The following FBXO16 variants were observed in gnomAD, a reference collection of about 807,000 sequenced individuals.
FBXO16 encodes F-box only protein 16.
In FBXO16, 31 loss-of-function variants were observed where a neutral mutation model predicts 41.0. That is an observed-to-expected ratio of 0.76 (90% CI 0.57 to 1.02). FBXO16 has a LOEUF of 1.02. FBXO16 is among the 50% of genes least tolerant of loss of function. FBXO16 has a pLI of 0.00. For synonymous variants in FBXO16, 133 were observed against 117.8 expected, an observed-to-expected ratio of 1.13 and a Z score of -0.84; for missense variants, 361 against 346.2, an observed-to-expected ratio of 1.04 and a Z score of -0.34.
chr8:28,483,463 C>T lies in FBXO16; in HGVS notation c.-16-1G>A. On this transcript the variant is annotated splice_acceptor_variant, in intron 1 of 8. Coordinates refer to ENST00000380254, the MANE Select transcript of FBXO16 (RefSeq NM_172366.4). LOFTEE classifies it low-confidence loss of function (5UTR_SPLICE). ...TGCCATCATGAAACAACTGGATATC[C>T]TTCCATAAGAAAAACAACACCTATC... 6.2e-7 allele frequency: 1 copy of T among 1,601,564 alleles called. No individual in the cohort carries two copies. Among genetic ancestry groups the T allele is most frequent in the Non-Finnish European group, 8.5e-7 (1 of 1,171,014 alleles).
chr8:28,448,735 T>C (rs938033072), intron 6 of FBXO16, among the ~76,000 whole-genome samples: 1 of 152,210 alleles, frequency 6.6e-6, no homozygotes, highest in Admixed American at 6.5e-5. Flanking sequence ...AAAACTCCTG[T>C]ATGTATTACG....
At chr8:28,489,001 A>ATATGATAGG (rs11281497) in intron 1 of FBXO16, among the ~76,000 whole-genome samples, 14 of 151,742 alleles carry the variant, frequency 9.2e-5, no homozygotes, top group African/African-American at 3.1e-4. Flanking sequence ...TCACAGTAGT[A>ATATGATAGG]TACTCAATAT....
intron 3 of FBXO16, among the ~76,000 whole-genome samples, chr8:28,466,519 C>T (rs372568931): frequency 6.6e-5 from 10 of 151,752 alleles, no homozygotes; most frequent in East Asian, 1.9e-4. Flanking sequence ...TGGCCAGGCG[C>T]GGTGGCTCAC....
intron 2 of FBXO16, among the ~76,000 whole-genome samples, chr8:28,477,704 C>T (rs1281037003): frequency 6.6e-6 from 1 of 152,118 alleles, no homozygotes; most frequent in Non-Finnish European, 1.5e-5. Context: ...CCACCAACAC[C>T]CATATAACTC....
intron 2 of FBXO16, among the ~76,000 whole-genome samples, chr8:28,482,077 C>A (rs943576909): frequency 6.6e-6 from 1 of 152,186 alleles, no homozygotes; most frequent in East Asian, 1.9e-4. Context: ...GCAGAACCCA[C>A]GCAAACATAA....
chr8:28,458,554 T>TTC (rs1803074594), intron 4 of FBXO16, among the ~76,000 whole-genome samples: 1 of 129,148 alleles, frequency 7.7e-6, no homozygotes, highest in African/African-American at 3.3e-5. Context: ...CTTTTTTTTT[T>TTC]TTTTTTTTTT....
chr8:28,442,693 T>A (rs1353423875), intron 7 of FBXO16, among the ~76,000 whole-genome samples: 1 of 152,110 alleles, frequency 6.6e-6, no homozygotes, highest in East Asian at 1.9e-4. Flanking sequence ...CCATCTTTCA[T>A]CAATCATTCA....
chr8:28,459,623 A>AAATAATAATAAT (rs57120891), intron 4 of FBXO16, among the ~76,000 whole-genome samples: 153 of 137,878 alleles, frequency 1.1e-3, no homozygotes, highest in South Asian at 1.9e-3. Flanking sequence ...CCTGTCTCAA[A>AAATAATAATAAT]AATAATAATA....
chr8:28,456,541 G>A (rs1046346807), intron 5 of FBXO16: 18 of 469,854 alleles, frequency 3.8e-5, no homozygotes, highest in African/African-American at 2.1e-4. Flanking sequence ...GGTCCTAACC[G>A]CCGGGATGCA....
At chr8:28,474,416 G>A (rs1308698080) in intron 2 of FBXO16, among the ~76,000 whole-genome samples, 1 of 145,196 alleles carries the variant, frequency 6.9e-6, no homozygotes, top group Non-Finnish European at 1.5e-5. Context: ...TTTTTAAAGT[G>A]AAAGAAATTT....
At chr8:28,464,160 C>A (rs116124157) in intron 3 of FBXO16, among the ~76,000 whole-genome samples, 5 of 152,294 alleles carry the variant, frequency 3.3e-5, no homozygotes, top group South Asian at 2.1e-4. Flanking sequence ...GCTCCTCCCC[C>A]CAAATAGTTT....
chr8:28,461,103 C>A (rs1407515083), intron 4 of FBXO16, among the ~76,000 whole-genome samples: 1 of 138,076 alleles, frequency 7.2e-6, no homozygotes, highest in African/African-American at 2.8e-5. Context: ...TTTTTTTTTA[C>A]CAATGACGCG....
In FBXO16 at chr8:28,437,330, C is replaced by A. The variant is rs1052087331; in HGVS notation, c.844-7927G>T. Among the ~76,000 whole-genome samples the A allele has an allele frequency of 1.1e-4, 16 of 152,180 alleles. 1 individual carries two copies. Among genetic ancestry groups the A allele is most frequent in the Non-Finnish European group, 2.1e-4 (14 of 68,034 alleles). On this transcript the variant is annotated intron_variant, in intron 7 of 8. Coordinates refer to ENST00000380254, the MANE Select transcript of FBXO16 (RefSeq NM_172366.4). Reference sequence around the variant, plus strand: ...GATAGCCTGATGAAACAAGAGGCAACAAGACACAACAAGTAAACTCGGCTC... The same window carrying A: ...GATAGCCTGATGAAACAAGAGGCAAAAAGACACAACAAGTAAACTCGGCTC...
chr8:28,455,656 A>T (rs571957439), intron 5 of FBXO16: 1 of 152,332 alleles, frequency 6.6e-6, no homozygotes, highest in South Asian at 2.1e-4. Flanking sequence ...CTAACTGAGA[A>T]TGAGATGCAA....
At chr8:28,475,135 A>C (rs1470579807) in intron 2 of FBXO16, among the ~76,000 whole-genome samples, 1 of 152,186 alleles carries the variant, frequency 6.6e-6, no homozygotes, top group Non-Finnish European at 1.5e-5. Context: ...GAATGTCCCC[A>C]CTTGGAGAGG....
chr8:28,435,830 CT>C (rs1193358997), intron 7 of FBXO16, among the ~76,000 whole-genome samples: 1 of 152,172 alleles, frequency 6.6e-6, no homozygotes, highest in Non-Finnish European at 1.5e-5. Context: ...GGCTTTCAGG[CT>C]TTCAACTGTC....
At position 28,483,426 on chromosome 8, in the gene FBXO16, T is replaced by G. The variant is rs757384814; in HGVS notation, c.21A>C (p.Pro7=). MMAFAP[P]KNTDGPKMQT... Reference sequence around the variant, plus strand: ...GCATTTTGGGACCATCTGTGTTTTTTGGAGGTGCAAATGCCATCATGAAAC... The same window carrying G: ...GCATTTTGGGACCATCTGTGTTTTTGGGAGGTGCAAATGCCATCATGAAAC... Residue 7 remains proline (P), a synonymous_variant, in exon 2 of 9, where the codon CCA becomes CCC. Transcript: ENST00000380254. The G allele has an allele frequency of 1.2e-6, 2 of 1,614,160 alleles. No homozygotes were observed. The highest frequency in any genetic ancestry group is 1.7e-6 in the Non-Finnish European group (2 of 1,180,012).
chr8:28,471,098 G>C (rs1803327296), intron 3 of FBXO16, among the ~76,000 whole-genome samples: 1 of 152,200 alleles, frequency 6.6e-6, no homozygotes, highest in Admixed American at 6.5e-5. Context: ...GAAGGGCAGA[G>C]AAGATTTGAG....
chr8:28,487,675 G>A (rs1475207768), intron 1 of FBXO16, among the ~76,000 whole-genome samples: 1 of 151,860 alleles, frequency 6.6e-6, no homozygotes, highest in Non-Finnish European at 1.5e-5. Context: ...GATTACAGGT[G>A]TGAGCTGCTG....
Sources: gnomAD v4.1 joint callset for allele counts (sites outside exome capture counted in the v4.1 genomes callset) on GRCh38, gnomAD v4.1.1 for gene constraint, MANE v1.5 for transcripts, NCBI Gene and HGNC (gene_info 2026-07-23, HGNC 2026-07-21) for gene names.